CYP2C19: variants seen among roughly 807,000 people sequenced by gnomAD.
The protein encoded by CYP2C19 is cytochrome P450 2C19.
CYP2C19 carries 59 observed loss-of-function variants against 40.9 expected under a neutral mutation model. The observed-to-expected ratio is 1.44, with a 90% CI of 1.17 to 1.79. CYP2C19 has a LOEUF of 1.79. Ranked by LOEUF, CYP2C19 falls within the 40% of genes most tolerant of loss-of-function variation. The pLI is 0.00. For missense variants in CYP2C19, 754 were observed against 596.9 expected, an observed-to-expected ratio of 1.26 and a Z score of -2.74; for synonymous variants, 253 against 208.7, an observed-to-expected ratio of 1.21 and a Z score of -1.83.
At chr10:94,768,106 G>T (rs1371160285) in intron 1 of CYP2C19, among the ~76,000 whole-genome samples, 2 of 152,156 alleles carry the variant, frequency 1.3e-5, no homozygotes, top group Non-Finnish European at 2.9e-5. Flanking sequence ...TTCTCCAGAG[G>T]TTAGGAACTT....
chr10:94,778,876 A>C (rs903407323), intron 3 of CYP2C19, among the ~76,000 whole-genome samples: 3 of 152,196 alleles, frequency 2.0e-5, no homozygotes, highest in Non-Finnish European at 4.4e-5. Context: ...ATGCCCATCA[A>C]TGACACACTG....
At chr10:94,774,477 A>G (rs17885348) in intron 1 of CYP2C19, 7,395 of 155,292 alleles carry the variant, frequency 0.048, 253 homozygotes, top group South Asian at 0.11. Context: ...TTTTAGGAGT[A>G]CTGCTGTGGA....
chr10:94,794,742 C>T (rs887731177), intron 5 of CYP2C19, among the ~76,000 whole-genome samples: 4 of 151,934 alleles, frequency 2.6e-5, no homozygotes, highest in African/African-American at 7.2e-5. Flanking sequence ...GTGATTTTTG[C>T]ACATTGATTT....
intron 3 of CYP2C19, 70 bp downstream of exon 3, chr10:94,775,609 A>G: frequency 1.2e-6 from 2 of 1,611,422 alleles, no homozygotes; most frequent in Non-Finnish European, 1.7e-6. Context: ...TCTTGGAAAC[A>G]TTTCAGGGGT....
intron 6 of CYP2C19, 130 bp downstream of exon 6, chr10:94,820,767 T>C: frequency 8.6e-7 from 1 of 1,168,706 alleles, no homozygotes; most frequent in East Asian, 2.4e-5. Flanking sequence ...CTGTAATCTG[T>C]CCCAATTTAA....
Position 94,843,134 on chromosome 10 carries a change from G to C in CYP2C19, c.1149+110G>C, listed in dbSNP as rs922204138. 12 of 1,350,116 alleles carry C rather than the reference G, an allele frequency of 8.9e-6. No individual in the cohort carries two copies. In the African/African-American group the frequency reaches 1.7e-4, roughly 19 times the overall value. 83.6% of individuals were successfully genotyped at this position (1,350,116 alleles called of 1,614,324 possible). ...GGTGAGAGAAGTGCATTACTCCTAT[G>C]TATGGCAGTTTAATTGGACTTTCTG... On this transcript the variant is annotated intron_variant, in intron 7 of 8. Coordinates refer to ENST00000371321, the MANE Select transcript of CYP2C19 (RefSeq NM_000769.4).
Position 94,786,018 on chromosome 10 carries a change from A to G in CYP2C19, c.819+4021A>G, listed in dbSNP as rs138394359. Among the ~76,000 whole-genome samples the G allele has an allele frequency of 2.6e-5, 4 of 152,134 alleles. No homozygotes were observed. The East Asian group carries it at 7.7e-4, about 29-fold the overall frequency. On this transcript the variant is annotated intron_variant, in intron 5 of 8. Transcript: ENST00000371321. The stretch of plus-strand genomic sequence containing the variant: ...AGACACTGCCTTTTCCGGCCTGCCT[A>G]TAAAATCTGCTGTGGTCCGCCTCCT...
intron 6 of CYP2C19, among the ~76,000 whole-genome samples, chr10:94,836,358 C>T (rs566134254): frequency 1.6e-3 from 240 of 152,328 alleles, no homozygotes; most frequent in Non-Finnish European, 2.2e-3. Flanking sequence ...CAAGCTCATC[C>T]CTTGGACCTG....
At chr10:94,827,121 CTCT>C (rs1849239623) in intron 6 of CYP2C19, among the ~76,000 whole-genome samples, 1 of 151,574 alleles carries the variant, frequency 6.6e-6, no homozygotes, top group Non-Finnish European at 1.5e-5. Flanking sequence ...GTCTAAAATT[CTCT>C]TTTTTGGTTG....
At chr10:94,846,938 T>C (rs574118058) in intron 7 of CYP2C19, among the ~76,000 whole-genome samples, 1 of 152,256 alleles carries the variant, frequency 6.6e-6, no homozygotes, top group African/African-American at 2.4e-5. Flanking sequence ...AGTTTTATAC[T>C]TGTGACTATA....
chr10:94,803,536 C>T (rs1020644832), intron 5 of CYP2C19, among the ~76,000 whole-genome samples: 6 of 152,086 alleles, frequency 3.9e-5, no homozygotes, highest in African/African-American at 1.4e-4. Context: ...CTGCTCAGCC[C>T]CAGGGGAATC....
At chr10:94,788,942 G>C (rs1357117130) in intron 5 of CYP2C19, among the ~76,000 whole-genome samples, 1 of 152,110 alleles carries the variant, frequency 6.6e-6, no homozygotes, top group East Asian at 1.9e-4. Context: ...CACAATGATT[G>C]AACTAATTTA....
intron 5 of CYP2C19, among the ~76,000 whole-genome samples, chr10:94,805,195 G>A (rs539129207): frequency 6.6e-6 from 1 of 151,962 alleles, no homozygotes; most frequent in African/African-American, 2.4e-5. Flanking sequence ...TAGCTTTGCA[G>A]TTTTCATAAA....
intron 5 of CYP2C19, among the ~76,000 whole-genome samples, chr10:94,785,391 A>G (rs547177703): frequency 3.3e-5 from 5 of 152,208 alleles, no homozygotes; most frequent in African/African-American, 4.8e-5. Context: ...TTGTCATCCA[A>G]TTGACTCATC....
At chr10:94,792,719 A>G (rs1244481010) in intron 5 of CYP2C19, among the ~76,000 whole-genome samples, 1 of 152,142 alleles carries the variant, frequency 6.6e-6, no homozygotes, top group Non-Finnish European at 1.5e-5. Flanking sequence ...CTGCTGAGAG[A>G]TCCGCTGTTA....
At position 94,781,890 on chromosome 10, in the gene CYP2C19, G is replaced by A. The variant is rs759690171; in HGVS notation, c.712G>A (p.Ala238Thr). 6.7e-7 allele frequency: 1 copy of A among 1,499,966 alleles called. No individual in the cohort carries two copies. The highest frequency in any genetic ancestry group is 8.8e-7 in the Non-Finnish European group (1 of 1,136,358). 92.9% of individuals were successfully genotyped at this position (1,499,966 alleles called of 1,614,324 possible). ...GTHNKLLKNL[A>T]FMESDILEKV... Reference sequence around the variant, plus strand: ...CCATAACAAATTACTTAAAAACCTTGCTTTTATGGAAAGTGATATTTTGGA... The same window carrying A: ...CCATAACAAATTACTTAAAAACCTTACTTTTATGGAAAGTGATATTTTGGA... The change falls in exon 5 of 9, where the codon GCT becomes ACT. Residue 238 changes from alanine to threonine, a missense_variant. By Grantham distance (58) the Ala-to-Thr change is moderately conservative. Transcript: ENST00000371321.
intron 6 of CYP2C19, among the ~76,000 whole-genome samples, chr10:94,834,362 T>A (rs976933095): frequency 2.0e-5 from 3 of 152,132 alleles, no homozygotes; most frequent in Admixed American, 6.5e-5. Context: ...TTTTTATTTT[T>A]GTTTTTATTT....
At chr10:94,848,282 A>G (rs539582527) in intron 7 of CYP2C19, among the ~76,000 whole-genome samples, 67 of 152,346 alleles carry the variant, frequency 4.4e-4, no homozygotes, top group Admixed American at 1.2e-3. Context: ...ATCCAGTTTC[A>G]GATTTCTACA....
At chr10:94,764,882 T>G (rs1848219711) in intron 1 of CYP2C19, among the ~76,000 whole-genome samples, 1 of 152,040 alleles carries the variant, frequency 6.6e-6, no homozygotes, top group Non-Finnish European at 1.5e-5. Flanking sequence ...ACTCCAGAGG[T>G]TGGTATGAGT....
Sources: gnomAD v4.1 joint callset for allele counts (sites outside exome capture counted in the v4.1 genomes callset) on GRCh38, gnomAD v4.1.1 for gene constraint, MANE v1.5 for transcripts, NCBI Gene and HGNC (gene_info 2026-07-23, HGNC 2026-07-21) for gene names.